Variants in FMO2 observed in about 807,000 individuals in gnomAD.
FMO2 encodes flavin-containing monooxygenase 2.
A neutral mutation model predicts 41.6 loss-of-function variants in FMO2; 33 were observed. That is an observed-to-expected ratio of 0.79 (90% confidence interval 0.60 to 1.06). The LOEUF (loss-of-function observed/expected upper bound fraction) is 1.06. Ranked by LOEUF, FMO2 falls within the 50% of genes least tolerant of loss-of-function variation. FMO2 has a pLI of 0.00. For synonymous variants in FMO2, 214 were observed against 219.6 expected (o/e 0.97, Z 0.23); for missense variants, 619 against 632.9 (o/e 0.98, Z 0.23).
intron 3 of FMO2, among the ~76,000 whole-genome samples, chr1:171,193,987 C>T (rs1232788061): frequency 6.6e-6 from 1 of 152,056 alleles, no homozygotes; most frequent in Non-Finnish European, 1.5e-5. Context: ...ACCATTTGGG[C>T]CAGGCTGGTC....
intron 2 of FMO2, among the ~76,000 whole-genome samples, chr1:171,190,808 G>A (rs1172809478): frequency 6.6e-6 from 1 of 152,140 alleles, no homozygotes; most frequent in Non-Finnish European, 1.5e-5. Context: ...TGAAGACAAG[G>A]GGGTCTTTTT....
chr1:171,197,409 A>T (rs1658349255), intron 4 of FMO2, among the ~76,000 whole-genome samples: 1 of 152,182 alleles, frequency 6.6e-6, no homozygotes, highest in Non-Finnish European at 1.5e-5. Flanking sequence ...ACCCCCAAAG[A>T]TTCAAACACT....
intron 2 of FMO2, among the ~76,000 whole-genome samples, chr1:171,191,989 C>A (rs1010574729): frequency 6.6e-6 from 1 of 151,664 alleles, no homozygotes; most frequent in Admixed American, 6.6e-5. Context: ...GAGCCATAAT[C>A]ATGTCACTGC....
At position 171,210,161 on chromosome 1, in the gene FMO2, A is replaced by T. The variant is rs1658922159; in HGVS notation, c.*1016A>T. 6.6e-6 allele frequency: 1 copy of T among 152,198 alleles called. No homozygotes were observed. The highest frequency in any genetic ancestry group is 2.4e-5 in the African/African-American group (1 of 41,448). 9.4% of individuals were successfully genotyped at this position (152,198 alleles called of 1,614,324 possible). The stretch of plus-strand genomic sequence containing the variant: ...CATTCTTTTTGCCAAATATGACCAA[A>T]TTACTTTTATTTATAATTTTTGATT... On this transcript the variant is annotated 3_prime_UTR_variant, in exon 9 of 9. Coordinates refer to ENST00000209929, the MANE Select transcript of FMO2 (RefSeq NM_001460.5).
At chr1:171,200,239 T>A (rs1658478498) in intron 5 of FMO2, among the ~76,000 whole-genome samples, 1 of 152,164 alleles carries the variant, frequency 6.6e-6, no homozygotes, top group African/African-American at 2.4e-5. Flanking sequence ...ACTGTCTTCT[T>A]TGCACCTGCT....
chr1:171,190,072 G>A (rs931116794), intron 2 of FMO2, among the ~76,000 whole-genome samples: 5 of 152,088 alleles, frequency 3.3e-5, no homozygotes, highest in African/African-American at 9.7e-5. Context: ...GATGTTTCAC[G>A]AAGAAAAAGT....
chr1:171,205,840 T>G (rs1658740206), intron 7 of FMO2, among the ~76,000 whole-genome samples: 1 of 152,178 alleles, frequency 6.6e-6, no homozygotes, highest in Non-Finnish European at 1.5e-5. Flanking sequence ...ATACCTGCAA[T>G]CATCCTTTTA....
At chr1:171,193,776 CT>C (rs35924251) in intron 3 of FMO2, among the ~76,000 whole-genome samples, 84 of 126,552 alleles carry the variant, frequency 6.6e-4, no homozygotes, top group Middle Eastern at 4.1e-3. Flanking sequence ...GATGTCAAAA[CT>C]TTTTTTTTTT....
In FMO2 at chr1:171,205,574, C is replaced by A; in HGVS notation, c.1123C>A (p.Leu375Ile). The change falls in exon 7 of 9, where the codon CTA becomes ATA. Residue 375 changes from leucine (L) to isoleucine (I), a missense_variant. Transcript: ENST00000209929. Reference sequence around the variant, plus strand: ...CGCGTGCATTGGTCTCATCCAGCCCCTAGGTTCCATTTTCCCAACTGCTGA... The same window carrying A: ...CGCGTGCATTGGTCTCATCCAGCCCATAGGTTCCATTTTCCCAACTGCTGA... ...TLACIGLIQP[L>I]GSIFPTAELQ... 6.2e-7 allele frequency: 1 copy of A among 1,613,324 alleles called. No homozygotes were observed. The highest frequency in any genetic ancestry group is 8.5e-7 in the Non-Finnish European group (1 of 1,179,662).
chr1:171,192,024 G>A (rs1658105354), intron 2 of FMO2, among the ~76,000 whole-genome samples: 1 of 152,048 alleles, frequency 6.6e-6, no homozygotes, highest in South Asian at 2.1e-4. Flanking sequence ...CACAGAGTGA[G>A]ACCCTGTCTC....
At chr1:171,204,157 G>C in intron 6 of FMO2, 93 bp downstream of exon 6, 1 of 880,712 alleles carries the variant, frequency 1.1e-6, no homozygotes, top group Non-Finnish European at 1.8e-6. Flanking sequence ...TTGCTAACAC[G>C]GTAGTTAAAA....
chr1:171,199,095 G>A (rs1658420235), intron 4 of FMO2: 2 of 289,110 alleles, frequency 6.9e-6, no homozygotes, highest in African/African-American at 2.2e-5. Context: ...TAGATACAGG[G>A]TTTCACTATG....
chr1:171,197,255 G>A (rs1188079031), intron 4 of FMO2, among the ~76,000 whole-genome samples: 1 of 152,170 alleles, frequency 6.6e-6, no homozygotes, highest in Non-Finnish European at 1.5e-5. Flanking sequence ...GCATCCAGCT[G>A]TTCTGGTCCA....
rs1659013461 is a variant in FMO2 at position 171,212,305 on chromosome 1, C to T, written c.*3160C>T. 6.6e-6 allele frequency among the ~76,000 whole-genome samples: 1 copy of T among 152,136 alleles called. No homozygotes were observed. The highest frequency in any genetic ancestry group is 2.4e-5 in the African/African-American group (1 of 41,442). Reference sequence around the variant, plus strand: ...TTTTCCCTTCTGCCTTCACCTTTGCCGTGGGTGGACACAGCAAGAAGGCCC... The same window carrying T: ...TTTTCCCTTCTGCCTTCACCTTTGCTGTGGGTGGACACAGCAAGAAGGCCC... On this transcript the variant is annotated 3_prime_UTR_variant, in exon 9 of 9. Transcript: ENST00000209929.
chr1:171,187,506 G>T (rs1284546222), intron 2 of FMO2, among the ~76,000 whole-genome samples: 3 of 151,272 alleles, frequency 2.0e-5, no homozygotes, highest in Non-Finnish European at 4.4e-5. Context: ...CACCTGGAGG[G>T]TTTCTTTTAT....
intron 2 of FMO2, among the ~76,000 whole-genome samples, chr1:171,189,935 T>C (rs1658014172): frequency 6.6e-6 from 1 of 152,096 alleles, no homozygotes; most frequent in African/African-American, 2.4e-5. Flanking sequence ...AGATGTAAGG[T>C]CCATCCGAAA....
chr1:171,201,941 C>G (rs1187214629), intron 5 of FMO2, among the ~76,000 whole-genome samples: 1 of 152,092 alleles, frequency 6.6e-6, no homozygotes, highest in Non-Finnish European at 1.5e-5. Context: ...CTGGTCCTGC[C>G]CTTGACACGT....
intron 2 of FMO2, among the ~76,000 whole-genome samples, chr1:171,188,013 T>C (rs1268486089): frequency 6.7e-6 from 1 of 150,010 alleles, no homozygotes; most frequent in African/African-American, 2.5e-5. Context: ...TAGGTTCACA[T>C]GTAGATTTCA....
Position 171,193,367 on chromosome 1 carries a change from T to C in FMO2, c.165T>C (p.Tyr55=). ...TGGAAGATGGCCGAGCAAGTATCTA[T>C]CAATCTGTCGTTACCAACACCAGCA... The part of the protein sequence containing the change: ...ENVEDGRASI[Y]QSVVTNTSKE... The change falls in exon 3 of 9, where the codon TAT becomes TAC. Residue 55 remains tyrosine, a synonymous_variant. Transcript: ENST00000209929. 6.2e-7 allele frequency: 1 copy of C among 1,611,534 alleles called. No homozygotes were observed. The highest frequency in any genetic ancestry group is 8.5e-7 in the Non-Finnish European group (1 of 1,178,668).
Sources: gnomAD v4.1 joint callset for allele counts (sites outside exome capture counted in the v4.1 genomes callset) on GRCh38, gnomAD v4.1.1 for gene constraint, MANE v1.5 for transcripts, NCBI Gene and HGNC (gene_info 2026-07-23, HGNC 2026-07-21) for gene names.